The following MOGAT1 variants were observed in gnomAD, a reference collection of about 807,000 sequenced individuals.
MOGAT1 encodes the protein monoacylglycerol O-acyltransferase 1, also known as 2-acylglycerol O-acyltransferase 1.
MOGAT1 carries 32 observed loss-of-function variants against 31.4 expected under a neutral mutation model. The observed-to-expected ratio is 1.02, with a 90% CI of 0.77 to 1.37. The LOEUF is 1.37. Ranked by LOEUF, MOGAT1 falls within the 40% of genes most tolerant of loss-of-function variation. The pLI is 0.00. For synonymous variants in MOGAT1, 145 were observed against 144.5 expected (o/e 1.00, Z -0.03); for missense variants, 426 against 402.0 (o/e 1.06, Z -0.51).
At chr2:222,677,345 C>A (rs1382444415) in intron 1 of MOGAT1, among the ~76,000 whole-genome samples, 3 of 152,134 alleles carry the variant, frequency 2.0e-5, no homozygotes, top group Non-Finnish European at 4.4e-5. Flanking sequence ...CTTTGGGAGG[C>A]CGAGGTGGGT....
intron 5 of MOGAT1, among the ~76,000 whole-genome samples, chr2:222,706,993 C>T (rs1331005355): frequency 6.6e-6 from 1 of 152,094 alleles, no homozygotes; most frequent in Non-Finnish European, 1.5e-5. Flanking sequence ...AAGTTTGAAG[C>T]CAGCAAGGCC....
chr2:222,709,352 G>A (rs961403729), intron 5 of MOGAT1, among the ~76,000 whole-genome samples: 5 of 152,162 alleles, frequency 3.3e-5, no homozygotes, highest in African/African-American at 1.2e-4. Context: ...GGACTGCCAC[G>A]TGACGTGAGG....
intron 1 of MOGAT1, among the ~76,000 whole-genome samples, chr2:222,674,823 AC>A (rs1692471734): frequency 6.6e-6 from 1 of 152,208 alleles, no homozygotes; most frequent in East Asian, 1.9e-4. Flanking sequence ...CCAAAACTAC[AC>A]CTTTTTTCTT....
chr2:222,699,831 T>C (rs2106042636), intron 5 of MOGAT1, among the ~76,000 whole-genome samples: 1 of 152,290 alleles, frequency 6.6e-6, no homozygotes, highest in Middle Eastern at 3.4e-3. Context: ...ATTTCTTCCT[T>C]TTACGAGATG....
chr2:222,691,719 T>C (rs1220617319), intron 3 of MOGAT1, among the ~76,000 whole-genome samples: 1 of 152,234 alleles, frequency 6.6e-6, no homozygotes, highest in Non-Finnish European at 1.5e-5. Context: ...CCCAAGCGGC[T>C]GCCTCTCTGG....
chr2:222,699,657 C>T (rs906617998), intron 5 of MOGAT1, among the ~76,000 whole-genome samples: 3 of 151,890 alleles, frequency 2.0e-5, no homozygotes, highest in Admixed American at 6.6e-5. Flanking sequence ...CCACCATGCC[C>T]GGCTACTTTG....
In MOGAT1 at chr2:222,671,852, C is replaced by CA. The variant is rs1233410097; in HGVS notation, c.68dup (p.Trp24ValfsTer38). ...GCGGCTGCAGACGGTGGCCGTGCTG[C>CA]AGTGGGTCCTGAAATACCTGCTGCT... On this transcript the variant is annotated frameshift_variant, in exon 1 of 6. Coordinates refer to ENST00000446656, the MANE Select transcript of MOGAT1 (RefSeq NM_058165.3). LOFTEE classifies it high-confidence loss of function. 6.4e-7 allele frequency: 1 copy of CA among 1,552,262 alleles called. No individual in the cohort carries two copies. The highest frequency in any genetic ancestry group is 2.0e-5 in the Admixed American group (1 of 51,090).
chr2:222,697,865 G>A (rs1692858445), intron 5 of MOGAT1, among the ~76,000 whole-genome samples: 2 of 151,822 alleles, frequency 1.3e-5, no homozygotes, highest in Admixed American at 6.6e-5. Context: ...GTGAGCCACC[G>A]CCTGTACAGA....
intron 4 of MOGAT1, 27 bp downstream of exon 4, chr2:222,694,563 G>A (rs1157860349): frequency 3.7e-6 from 6 of 1,602,914 alleles, no homozygotes; most frequent in Non-Finnish European, 5.1e-6. Flanking sequence ...ATAAAGTAGG[G>A]GGTCAGAAAA....
At chr2:222,708,057 G>A (rs1693032247) in intron 5 of MOGAT1, among the ~76,000 whole-genome samples, 1 of 151,596 alleles carries the variant, frequency 6.6e-6, no homozygotes. Context: ...TGAACTTCCT[G>A]TACATTTTCT....
chr2:222,682,085 G>C (rs1054269788), intron 1 of MOGAT1, among the ~76,000 whole-genome samples: 4 of 151,390 alleles, frequency 2.6e-5, no homozygotes, highest in African/African-American at 9.8e-5. Flanking sequence ...CAACTTTTTA[G>C]CATTCTGCCA....
rs1183130413 is a variant in MOGAT1, at chr2:222,709,737, T to A, written c.855T>A (p.Val285=). 1.2e-6 allele frequency: 2 copies of A among 1,612,056 alleles called. No individual in the cohort carries two copies. Among genetic ancestry groups the A allele is most frequent in the African/African-American group, 2.7e-5 (2 of 74,756 alleles). The change falls in exon 6 of 6, where the codon GTT becomes GTA. Residue 285 remains valine, a splice_region_variant and synonymous_variant. Transcript: ENST00000446656. ...MTYRKAIHTV[V]GRPIPVRQTL... ...TATGATGTATTCCCTGATTTGCAGTTGGCCGCCCGATCCCTGTTCGTCAGA... is the reference window on the plus strand; with the variant it reads ...TATGATGTATTCCCTGATTTGCAGTAGGCCGCCCGATCCCTGTTCGTCAGA...
intron 5 of MOGAT1, among the ~76,000 whole-genome samples, chr2:222,701,297 GA>G (rs1206624336): frequency 2.4e-5 from 2 of 82,422 alleles, no homozygotes; most frequent in African/African-American, 5.6e-5. Flanking sequence ...AGAGGAGGAG[GA>G]GGAGAGAGAG....
intron 1 of MOGAT1, among the ~76,000 whole-genome samples, chr2:222,687,195 G>A (rs1240354358): frequency 6.7e-6 from 1 of 148,996 alleles, no homozygotes; most frequent in Non-Finnish European, 1.5e-5. Flanking sequence ...GGTAAAACAT[G>A]TATGTCAGTA....
intron 5 of MOGAT1, among the ~76,000 whole-genome samples, chr2:222,701,456 G>A (rs1234322088): frequency 6.9e-6 from 1 of 144,202 alleles, no homozygotes; most frequent in East Asian, 2.0e-4. Context: ...AGGAAGGAAG[G>A]AAGGAAAAAG....
intron 5 of MOGAT1, among the ~76,000 whole-genome samples, chr2:222,702,184 T>C (rs1277941538): frequency 6.6e-6 from 1 of 152,164 alleles, no homozygotes. Context: ...ACAGAACAAC[T>C]GGCCTGGACT....
At chr2:222,673,040 A>T (rs1413376896) in intron 1 of MOGAT1, among the ~76,000 whole-genome samples, 1 of 151,616 alleles carries the variant, frequency 6.6e-6, no homozygotes, top group Admixed American at 6.6e-5. Flanking sequence ...CAGCCTGCCG[A>T]GTAGCTGGGG....
In MOGAT1 at chr2:222,695,205, T is replaced by C; in HGVS notation, c.770T>C (p.Phe257Ser). The change falls in exon 5 of 6, where the codon TTT becomes TCT. Residue 257 changes from phenylalanine (F) to serine (S), a missense_variant. By Grantham distance (155) the Phe-to-Ser change is radical. Coordinates refer to ENST00000446656, the MANE Select transcript of MOGAT1 (RefSeq NM_058165.3). ...VQNKLQKIMGFALPLFHARGV... is the reference protein window; with the variant it reads ...VQNKLQKIMGSALPLFHARGV... ...AATAAACTGCAGAAGATCATGGGGT[T>C]TGCTTTGCCCCTGTTTCATGCCAGG... 1 of 1,613,754 alleles carries C rather than the reference T, an allele frequency of 6.2e-7. No individual in the cohort carries two copies. Among genetic ancestry groups the C allele is most frequent in the Non-Finnish European group, 8.5e-7 (1 of 1,179,790 alleles).
intron 5 of MOGAT1, among the ~76,000 whole-genome samples, chr2:222,708,252 T>G (rs1290447188): frequency 6.6e-6 from 1 of 151,978 alleles, no homozygotes; most frequent in Non-Finnish European, 1.5e-5. Context: ...TCCGGCTAAT[T>G]TTTGTATTTT....
Sources: gnomAD v4.1 joint callset for allele counts (sites outside exome capture counted in the v4.1 genomes callset) on GRCh38, gnomAD v4.1.1 for gene constraint, MANE v1.5 for transcripts, NCBI Gene and HGNC (gene_info 2026-07-23, HGNC 2026-07-21) for gene names.